Variants in TRIM46 observed in about 807,000 individuals in gnomAD.
The protein encoded by TRIM46 is tripartite motif containing 46, also known as tripartite motif-containing protein 46.
A neutral mutation model predicts 69.7 loss-of-function variants in TRIM46; 17 were observed. That is an observed-to-expected ratio of 0.24 (90% CI 0.17 to 0.37). TRIM46 has a LOEUF of 0.37. Among genes scored for constraint, TRIM46 ranks in the 10% least tolerant of loss-of-function variants. The probability of loss-of-function intolerance (pLI) is 1.00; values close to 1 mark genes in which losing one functional copy is unlikely to be tolerated. For synonymous variants in TRIM46, 391 were observed against 429.0 expected, an observed-to-expected ratio of 0.91 and a Z score of 1.09; for missense variants, 675 against 1,025.1, an observed-to-expected ratio of 0.66 and a Z score of 4.66.
chr1:155,179,495 A>C, intron 7 of TRIM46, 137 bp from the exon 8 acceptor site: 1 of 739,636 alleles, frequency 1.4e-6, no homozygotes, highest in East Asian at 2.7e-5. Context: ...CAGTTCCCAG[A>C]TGAGCCCTTC....
rs1426639849 is a variant in TRIM46 at position 155,183,947 on chromosome 1, C to T, written c.2037C>T (p.Pro679=). 6.2e-7 allele frequency: 1 copy of T among 1,613,968 alleles called. No homozygotes were observed. The highest frequency in any genetic ancestry group is 8.5e-7 in the Non-Finnish European group (1 of 1,180,034). The stretch of plus-strand genomic sequence containing the variant: ...CAGGGCTGACAGGGAGGGATGGCCC[C>T]ACAGCCGGCTGCACAGTGCCCCTGC... ...SNAGLTGRDG[P]TAGCTVPLPP... is the part of the protein sequence containing the mutation. Residue 679 remains proline (P), a synonymous_variant, in exon 10 of 10, where the codon CCC becomes CCT. Coordinates refer to ENST00000334634, the MANE Select transcript of TRIM46 (RefSeq NM_025058.5).
chr1:155,174,672 G>A, intron 1 of TRIM46: 2 of 1,470,040 alleles, frequency 1.4e-6, no homozygotes, highest in South Asian at 2.6e-5. Flanking sequence ...ATAGCCTGAG[G>A]ACCCCCACTC....
intron 9 of TRIM46, among the ~76,000 whole-genome samples, chr1:155,183,120 C>T (rs966365029): frequency 2.0e-5 from 3 of 152,008 alleles, no homozygotes; most frequent in Middle Eastern, 3.4e-3. Context: ...CCGTGTTAGC[C>T]AGGATGGTCT....
At chr1:155,177,136 T>C in intron 4 of TRIM46, 59 bp from the exon 5 acceptor site, 1 of 1,613,958 alleles carries the variant, frequency 6.2e-7, no homozygotes, top group Non-Finnish European at 8.5e-7. Context: ...TTGCACCTCC[T>C]CCCAACTGCT....
At position 155,175,850 on chromosome 1, in the gene TRIM46, T is replaced by C. The variant is rs747203049; in HGVS notation, c.326-38T>C. 6.3e-7 allele frequency: 1 copy of C among 1,585,386 alleles called. No homozygotes were observed. Among genetic ancestry groups the C allele is most frequent in the South Asian group, 1.1e-5 (1 of 87,730 alleles). Reference sequence around the variant, plus strand: ...AGGCTTCCCCACACCCAGCCAGCTGTAACTCTCATGTCCTCTACCTCCCTG... The same window carrying C: ...AGGCTTCCCCACACCCAGCCAGCTGCAACTCTCATGTCCTCTACCTCCCTG... On this transcript the variant is annotated intron_variant, in intron 2 of 9. Coordinates refer to ENST00000334634, the MANE Select transcript of TRIM46 (RefSeq NM_025058.5). The surrounding 1 kb of genome is among the most constrained non-coding windows in gnomAD (Gnocchi z 4.2).
Position 155,178,217 on chromosome 1 carries a change from G to C in TRIM46, c.1125G>C (p.Gln375His). 6.2e-7 allele frequency: 1 copy of C among 1,609,436 alleles called. No individual in the cohort carries two copies. The highest frequency in any genetic ancestry group is 8.5e-7 in the Non-Finnish European group (1 of 1,176,348). Residue 375 changes from glutamine to histidine, a missense_variant, in exon 6 of 10, where the codon CAG becomes CAC. Physicochemically the swap from Gln to His is conservative, Grantham distance 24 (BLOSUM62 0). This residue lies in a region of TRIM46 where 361 missense variants were observed against 498.3 expected (regional missense o/e 0.72). Transcript: ENST00000334634. ...AGGAAGTACTTAAGGAAACAGACCA[G>C]CCTTGCTTTGTGCAAGCCGCCAAGC... ...YAQEVLKETD[Q>H]PCFVQAAKQL...
intron 7 of TRIM46, chr1:155,178,906 C>A: frequency 2.4e-6 from 3 of 1,247,106 alleles, no homozygotes; most frequent in Admixed American, 2.2e-5. Flanking sequence ...TCCCACCCCG[C>A]TGCTCCCACG....
At chr1:155,183,723 C>A in intron 9 of TRIM46, 74 bp from the exon 10 acceptor site, 1 of 1,563,584 alleles carries the variant, frequency 6.4e-7, no homozygotes. Flanking sequence ...TTCCATCCTT[C>A]CAGCGTCTCC....
intron 9 of TRIM46, 64 bp downstream of exon 9, chr1:155,182,213 G>T (rs150727733): frequency 1.3e-6 from 2 of 1,527,678 alleles, no homozygotes; most frequent in Middle Eastern, 1.8e-4. Context: ...CACAGAAGGG[G>T]TGGCAAGTGG....
In TRIM46 at chr1:155,173,885, C is replaced by T; in HGVS notation, c.-82C>T. On this transcript the variant is annotated 5_prime_UTR_variant, in exon 1 of 10. Coordinates refer to ENST00000334634, the MANE Select transcript of TRIM46 (RefSeq NM_025058.5). ...TCAACCCCCAGCCCTCCTCACACCC[C>T]CACTGGGCTCCTGCATTAAGCCCGG... The T allele has an allele frequency of 7.1e-7, 1 of 1,413,244 alleles. No homozygotes were observed. Among genetic ancestry groups the T allele is most frequent in the Non-Finnish European group, 9.7e-7 (1 of 1,027,704 alleles). The allele number at this position is 1,413,244 out of a possible 1,614,324, so 87.5% of individuals were successfully genotyped here.
chr1:155,182,259 T>TA, intron 9 of TRIM46, 110 bp downstream of exon 9: 1 of 1,208,130 alleles, frequency 8.3e-7, no homozygotes, highest in Non-Finnish European at 1.1e-6. Context: ...GGGAGGGGAT[T>TA]AGGAGGAAGT....
rs1666376366 is a variant in TRIM46 at position 155,184,105 on chromosome 1, G to C, written c.2195G>C (p.Gly732Ala). 1 of 1,613,892 alleles carries C rather than the reference G, an allele frequency of 6.2e-7. No individual in the cohort carries two copies. The highest frequency in any genetic ancestry group is 1.1e-5 in the South Asian group (1 of 91,078). Residue 732 changes from glycine to alanine, a missense_variant, in exon 10 of 10, where the codon GGG (glycine) becomes GCG (alanine). Around this residue, in one of 5 missense-constraint regions of TRIM46, gnomAD observed 108 missense variants for 153.0 expected, o/e 0.71. Transcript: ENST00000334634. This position sits in a 1 kb window ranked among gnomAD's most constrained non-coding sequence, Gnocchi z 5.6. ...GTGTGCCCTGCCTTTTGCTTCATCGGGGGTGGCGCAGTACAGCTCCAGGAG... is the reference window on the plus strand; with the variant it reads ...GTGTGCCCTGCCTTTTGCTTCATCGCGGGTGGCGCAGTACAGCTCCAGGAG... ...GPVCPAFCFI[G>A]GGAVQLQEPV...
In TRIM46 at chr1:155,181,871, T is replaced by A. The variant is rs368432561; in HGVS notation, c.1608T>A (p.Asp536Glu). The A allele has an allele frequency of 6.2e-7, 1 of 1,611,520 alleles. No homozygotes were observed. Residue 536 changes from aspartate (D) to glutamate (E), a missense_variant, in exon 9 of 10, where the codon GAT (aspartate) becomes GAA (glutamate). Coordinates refer to ENST00000334634, the MANE Select transcript of TRIM46 (RefSeq NM_025058.5). This position sits in a 1 kb window ranked among gnomAD's most constrained non-coding sequence, Gnocchi z 4.3. ...TTCCAGTCCTGCACTTCTTCCTCGA[T>A]AGCCGCTGGGGCGCAAGCCGAGAGC... is the stretch of plus-strand genomic sequence containing the variant. ...PPAPVLHFFL[D>E]SRWGASRERL... is the part of the protein sequence containing the mutation.
chr1:155,176,970 C>G lies in TRIM46; in HGVS notation c.708C>G (p.His236Gln), dbSNP rs1416004935. The change falls in exon 4 of 10, where the codon CAC becomes CAG. Residue 236 changes from histidine (H) to glutamine (Q), a missense_variant. Coordinates refer to ENST00000334634, the MANE Select transcript of TRIM46 (RefSeq NM_025058.5). ...MCPDHKEEVT[H>Q]YCKTCQRLVC... ...CAGACCACAAGGAAGAGGTGACCCA[C>G]TACTGCAAGACATGCCAACGCCTGG... 2 of 1,614,222 alleles carry G rather than the reference C, an allele frequency of 1.2e-6. No homozygotes were observed. Among genetic ancestry groups the G allele is most frequent in the East Asian group, 2.2e-5 (1 of 44,880 alleles).
rs202063546 is a variant in TRIM46 at position 155,181,876 on chromosome 1, G to T, written c.1613G>T (p.Arg538Leu). ...APVLHFFLDS[R>L]WGASRERLAI... ...GTCCTGCACTTCTTCCTCGATAGCC[G>T]CTGGGGCGCAAGCCGAGAGCGGCTG... is the stretch of plus-strand genomic sequence containing the variant. Residue 538 changes from arginine to leucine, a missense_variant, in exon 9 of 10, where the codon CGC becomes CTC. By Grantham distance (102) the Arg-to-Leu change is moderately radical (BLOSUM62 -2). Around this residue, in one of 5 missense-constraint regions of TRIM46, gnomAD observed 361 missense variants for 498.3 expected, o/e 0.72. Coordinates refer to ENST00000334634, the MANE Select transcript of TRIM46 (RefSeq NM_025058.5). This position sits in a 1 kb window ranked among gnomAD's most constrained non-coding sequence, Gnocchi z 4.3. The T allele has an allele frequency of 4.3e-5, 69 of 1,612,272 alleles. No homozygotes were observed. Among genetic ancestry groups the T allele is most frequent in the Non-Finnish European group, 1.0e-5 (12 of 1,178,900 alleles).
chr1:155,182,402 C>T (rs1666234314), intron 9 of TRIM46: 1 of 578,946 alleles, frequency 1.7e-6, no homozygotes, highest in Non-Finnish European at 3.1e-6. Context: ...AGGGAGCCAT[C>T]TCTGCTTCCT....
chr1:155,181,800 AG>A lies in TRIM46; in HGVS notation c.1589-51del. The A allele has an allele frequency of 6.4e-7, 1 of 1,562,842 alleles. No homozygotes were observed. Among genetic ancestry groups the A allele is most frequent in the Non-Finnish European group, 8.7e-7 (1 of 1,149,492 alleles). ...CTGCAGTCTCACAGCCCCCAGTGCC[AG>A]TGTTTGTCCCTGAAGTTCTTGCTCC... On this transcript the variant is annotated intron_variant, in intron 8 of 9. Transcript: ENST00000334634. This position sits in a 1 kb window ranked among gnomAD's most constrained non-coding sequence, Gnocchi z 4.3.
At position 155,178,047 on chromosome 1, in the gene TRIM46, G is replaced by A. The variant is rs753309339; in HGVS notation, c.955G>A (p.Gly319Arg). The stretch of plus-strand genomic sequence containing the variant: ...GGAGGAGGTGTCGCAGCTGGTGCGG[G>A]GGCTGGGGGCTGTGCTGGAGGAGAA... ...AKEEVSQLVR[G>R]LGAVLEEKRA... Residue 319 changes from glycine (G) to arginine (R), a missense_variant, in exon 6 of 10, where the codon GGG (glycine) becomes AGG (arginine). Around this residue, in one of 5 missense-constraint regions of TRIM46, gnomAD observed 361 missense variants for 498.3 expected, o/e 0.72. Coordinates refer to ENST00000334634, the MANE Select transcript of TRIM46 (RefSeq NM_025058.5). 8.1e-5 allele frequency: 131 copies of A among 1,613,646 alleles called. No homozygotes were observed. Among genetic ancestry groups the A allele is most frequent in the Non-Finnish European group, 9.7e-5 (114 of 1,180,006 alleles).
chr1:155,182,271 G>T, intron 9 of TRIM46, 122 bp downstream of exon 9: 1 of 1,182,426 alleles, frequency 8.5e-7, no homozygotes, highest in Admixed American at 2.7e-5. Flanking sequence ...GGAGGAAGTA[G>T]TAGGAGCCTG....
Sources: allele counts gnomAD v4.1 joint callset (sites outside exome capture counted in the v4.1 genomes callset), GRCh38; gene constraint gnomAD v4.1.1; regional missense constraint gnomAD v4.1.1; non-coding constraint Gnocchi (gnomAD v3.1); transcripts MANE v1.5; gene names NCBI Gene and HGNC (gene_info 2026-07-23, HGNC 2026-07-21).